Variants in GPC6 observed in about 807,000 individuals in gnomAD.
GPC6 encodes glypican 6, also known as glypican-6.
GPC6 carries 14 observed loss-of-function variants against 55.2 expected under a neutral mutation model. The ratio of observed to expected loss-of-function variants is 0.25; its 90% CI spans 0.17 to 0.40. The LOEUF (loss-of-function observed/expected upper bound fraction) is 0.40, where lower values mean the gene tolerates loss of function less well. Among genes scored for constraint, GPC6 ranks in the 10% least tolerant of loss-of-function variants. The pLI, the probability that GPC6 is intolerant of heterozygous loss-of-function variation, is 1.00. For missense variants in GPC6, 641 were observed against 708.5 expected (o/e 0.90, Z 1.08); for synonymous variants, 278 against 259.6 (o/e 1.07, Z -0.68).
At chr13:94,225,548 A>C (rs946463959) in intron 4 of GPC6, among the ~76,000 whole-genome samples, 99 of 152,172 alleles carry the variant, frequency 6.5e-4, no homozygotes, top group African/African-American at 2.2e-3. Flanking sequence ...AAATCCACGC[A>C]GTGTTTAATA....
chr13:93,894,058 C>T (rs1875851171), intron 3 of GPC6, among the ~76,000 whole-genome samples: 1 of 152,156 alleles, frequency 6.6e-6, no homozygotes, highest in African/African-American at 2.4e-5. Flanking sequence ...AACACATACC[C>T]TGTGGTCACT....
chr13:94,373,388 A>C (rs1425737324), intron 6 of GPC6, among the ~76,000 whole-genome samples: 1 of 152,156 alleles, frequency 6.6e-6, no homozygotes, highest in Non-Finnish European at 1.5e-5. Flanking sequence ...TGGAGCTGAA[A>C]ACCAAGGCTC....
chr13:94,270,837 T>TA (rs1891970842), intron 4 of GPC6, among the ~76,000 whole-genome samples: 1 of 151,996 alleles, frequency 6.6e-6, no homozygotes, highest in African/African-American at 2.4e-5. Flanking sequence ...GTCCGAACAC[T>TA]AAGAGAAGTG....
At chr13:94,364,467 A>C (rs1421108565) in intron 6 of GPC6, among the ~76,000 whole-genome samples, 1 of 152,192 alleles carries the variant, frequency 6.6e-6, no homozygotes, top group Non-Finnish European at 1.5e-5. Flanking sequence ...CCCCAATGCC[A>C]TATGTCCCCA....
chr13:94,172,258 C>T (rs955888152), intron 4 of GPC6, among the ~76,000 whole-genome samples: 13 of 151,356 alleles, frequency 8.6e-5, no homozygotes, highest in African/African-American at 2.7e-4. Flanking sequence ...AATAAAAATG[C>T]GTATCTCATA....
chr13:93,339,505 T>C lies in GPC6; in HGVS notation c.160+111889T>C, dbSNP rs376683908. On this transcript the variant is annotated intron_variant, in intron 1 of 8. Transcript: ENST00000377047. ...ATTTCTTGTTGAGTCCTCAGTCCCA[T>C]GGACAGTGCTTGGTGCACAATAGTG... is the stretch of plus-strand genomic sequence containing the variant. Among the ~76,000 whole-genome samples, 9 of 152,236 alleles carry C rather than the reference T, an allele frequency of 5.9e-5. No individual in the cohort carries two copies. The East Asian group carries it at 1.2e-3, about 20-fold the overall frequency.
chr13:93,332,494 G>A (rs1284189879), intron 1 of GPC6, among the ~76,000 whole-genome samples: 1 of 151,844 alleles, frequency 6.6e-6, no homozygotes, highest in Non-Finnish European at 1.5e-5. Context: ...TATACTTGCT[G>A]GCCATTTTTA....
chr13:93,988,624 G>A (rs1230129336), intron 3 of GPC6, among the ~76,000 whole-genome samples: 1 of 151,996 alleles, frequency 6.6e-6, no homozygotes, highest in African/African-American at 2.4e-5. Context: ...TGGCGGAAGG[G>A]GGAGCAAGCT....
chr13:93,980,732 G>T (rs1049339104), intron 3 of GPC6, among the ~76,000 whole-genome samples: 1 of 152,118 alleles, frequency 6.6e-6, no homozygotes, highest in Non-Finnish European at 1.5e-5. Context: ...TGTGTCTTTT[G>T]TGTGTTTGGA....
chr13:93,542,841 A>C (rs62342534), intron 1 of GPC6, among the ~76,000 whole-genome samples: 1 of 152,252 alleles, frequency 6.6e-6, no homozygotes, highest in South Asian at 2.1e-4. Context: ...TTATTGGTGT[A>C]TAAGAATGCT....
chr13:93,487,899 T>G (rs1879789912), intron 1 of GPC6, among the ~76,000 whole-genome samples: 1 of 152,228 alleles, frequency 6.6e-6, no homozygotes, highest in African/African-American at 2.4e-5. Context: ...CTCATCATAC[T>G]GCCAAGGCAT....
intron 3 of GPC6, among the ~76,000 whole-genome samples, chr13:93,892,276 C>CATTCCAAAAATATTTACAGTGAAAG (rs1189358837): frequency 6.7e-6 from 1 of 148,352 alleles, no homozygotes; most frequent in Non-Finnish European, 1.5e-5. Flanking sequence ...CCAACGAAAG[C>CATTCCAAAAATATTTACAGTGAAAG]ATTCCAAAAA....
intron 4 of GPC6, among the ~76,000 whole-genome samples, chr13:94,125,973 G>A (rs936001082): frequency 3.9e-5 from 6 of 152,032 alleles, no homozygotes; most frequent in African/African-American, 1.4e-4. Context: ...ATATCTCCAT[G>A]TAAATGAATA....
At chr13:93,399,973 G>C (rs1274455024) in intron 1 of GPC6, among the ~76,000 whole-genome samples, 1 of 152,120 alleles carries the variant, frequency 6.6e-6, no homozygotes, top group Non-Finnish European at 1.5e-5. Context: ...AGATACAATG[G>C]GAGTCTTATG....
At chr13:94,037,971 A>G (rs1022904014) in intron 4 of GPC6, among the ~76,000 whole-genome samples, 4 of 151,988 alleles carry the variant, frequency 2.6e-5, no homozygotes, top group Non-Finnish European at 5.9e-5. Context: ...ATTTTATTTA[A>G]TTTTAATTAA....
chr13:94,234,236 C>G (rs1445089831), intron 4 of GPC6, among the ~76,000 whole-genome samples: 1 of 152,116 alleles, frequency 6.6e-6, no homozygotes, highest in African/African-American at 2.4e-5. Context: ...TTCCATTTAT[C>G]CTTCTGAAGT....
intron 1 of GPC6, among the ~76,000 whole-genome samples, chr13:93,495,878 C>T (rs902062283): frequency 1.1e-4 from 16 of 146,666 alleles, no homozygotes; most frequent in South Asian, 6.9e-4. Context: ...GCAGTCTGCC[C>T]GTTCTCAGAT....
At chr13:93,922,665 T>G (rs1292133252) in intron 3 of GPC6, among the ~76,000 whole-genome samples, 1 of 152,158 alleles carries the variant, frequency 6.6e-6, no homozygotes, top group Non-Finnish European at 1.5e-5. Context: ...AAATCTAAAT[T>G]TACATAAAGA....
intron 1 of GPC6, among the ~76,000 whole-genome samples, chr13:93,313,437 T>C (rs1879140429): frequency 6.6e-6 from 1 of 152,188 alleles, no homozygotes; most frequent in South Asian, 2.1e-4. Context: ...GTGATCACTT[T>C]AAAGTGTGAC....
Sources: allele counts gnomAD v4.1 joint callset (sites outside exome capture counted in the v4.1 genomes callset), GRCh38; gene constraint gnomAD v4.1.1; transcripts MANE v1.5; gene names NCBI Gene and HGNC (gene_info 2026-07-23, HGNC 2026-07-21).